Variants in PLCXD3 observed in about 807,000 individuals in gnomAD.
PLCXD3 encodes the protein PI-PLC X domain-containing protein 3.
Under a neutral mutation model 25.5 loss-of-function variants are expected in PLCXD3, and 19 were observed. That is an observed-to-expected ratio of 0.75 (90% CI 0.52 to 1.09). The LOEUF (loss-of-function observed/expected upper bound fraction) is 1.09, where lower values mean the gene tolerates loss of function less well. Ranked by LOEUF, PLCXD3 falls within the 50% of genes least tolerant of loss-of-function variation. PLCXD3 has a pLI of 0.00. For missense variants in PLCXD3, 411 were observed against 388.1 expected (o/e 1.06, Z -0.50); for synonymous variants, 174 against 137.6 (o/e 1.26, Z -1.85).
intron 2 of PLCXD3, among the ~76,000 whole-genome samples, chr5:41,361,252 C>T (rs1056262023): frequency 6.6e-6 from 1 of 152,200 alleles, no homozygotes; most frequent in Non-Finnish European, 1.5e-5. Context: ...GTCTCACTCT[C>T]ACTGTGCCCC....
At chr5:41,398,248 G>A (rs1183476610) in intron 1 of PLCXD3, among the ~76,000 whole-genome samples, 1 of 152,152 alleles carries the variant, frequency 6.6e-6, no homozygotes, top group Non-Finnish European at 1.5e-5. Context: ...TAAATCATGG[G>A]GATGGATTTC....
rs373573999 is a variant in PLCXD3, at chr5:41,334,873, A to T, written c.813-21103T>A. Among the ~76,000 whole-genome samples, 47 of 152,300 alleles carry T rather than the reference A, an allele frequency of 3.1e-4. 1 individual carries two copies. The South Asian group carries it at 9.3e-3, about 30-fold the overall frequency. On this transcript the variant is annotated intron_variant, in intron 2 of 2. Transcript: ENST00000377801. Reference sequence around the variant, plus strand: ...CTGCCAGGAGACAGAATGTGAGCACAGCCAGCCCTTGATGGGGGCCTCCTG... The same window carrying T: ...CTGCCAGGAGACAGAATGTGAGCACTGCCAGCCCTTGATGGGGGCCTCCTG...
At chr5:41,464,864 T>A (rs1747975773) in intron 1 of PLCXD3, among the ~76,000 whole-genome samples, 1 of 152,068 alleles carries the variant, frequency 6.6e-6, no homozygotes, top group South Asian at 2.1e-4. Context: ...TTGTGTTGTG[T>A]TCTTCCATTT....
chr5:41,505,802 A>G (rs993190994), intron 1 of PLCXD3, among the ~76,000 whole-genome samples: 2 of 152,214 alleles, frequency 1.3e-5, no homozygotes, highest in African/African-American at 4.8e-5. Context: ...GTACATGATG[A>G]CCTGTAATGT....
chr5:41,458,303 C>A (rs1164081392), intron 1 of PLCXD3, among the ~76,000 whole-genome samples: 1 of 151,630 alleles, frequency 6.6e-6, no homozygotes, highest in Non-Finnish European at 1.5e-5. Flanking sequence ...TACTGAACAG[C>A]CCAAGAATCT....
At chr5:41,380,933 A>T (rs890167276) in intron 2 of PLCXD3, among the ~76,000 whole-genome samples, 17 of 152,130 alleles carry the variant, frequency 1.1e-4, no homozygotes, top group African/African-American at 3.9e-4. Context: ...AACATCCTAC[A>T]TGTTTGGCTG....
At chr5:41,384,578 A>T (rs1745578373) in intron 1 of PLCXD3, among the ~76,000 whole-genome samples, 2 of 152,044 alleles carry the variant, frequency 1.3e-5, no homozygotes, top group Admixed American at 6.6e-5. Flanking sequence ...GCAGGCAAAA[A>T]GGGAATTAAG....
intron 2 of PLCXD3, among the ~76,000 whole-genome samples, chr5:41,348,256 C>T (rs1411438357): frequency 6.6e-6 from 1 of 152,022 alleles, no homozygotes; most frequent in African/African-American, 2.4e-5. Flanking sequence ...TCTAAATGGA[C>T]CCTAATGTAC....
At chr5:41,347,495 G>A (rs1269586469) in intron 2 of PLCXD3, among the ~76,000 whole-genome samples, 1 of 152,126 alleles carries the variant, frequency 6.6e-6, no homozygotes, top group Non-Finnish European at 1.5e-5. Flanking sequence ...ATTCTACATT[G>A]TAACAGTGTA....
At chr5:41,348,984 T>C (rs1032919790) in intron 2 of PLCXD3, among the ~76,000 whole-genome samples, 5 of 152,198 alleles carry the variant, frequency 3.3e-5, no homozygotes, top group Non-Finnish European at 7.3e-5. Context: ...TTTCCAGTAG[T>C]TGGATCTAAA....
At chr5:41,410,926 T>A (rs318031) in intron 1 of PLCXD3, among the ~76,000 whole-genome samples, 15,607 of 152,172 alleles carry the variant, frequency 0.1, 912 homozygotes, top group Non-Finnish European at 0.12. Context: ...TGGAGCCTCC[T>A]GGTGGTGGCA....
chr5:41,481,341 C>T (rs988683013), intron 1 of PLCXD3, among the ~76,000 whole-genome samples: 3 of 152,206 alleles, frequency 2.0e-5, no homozygotes, highest in African/African-American at 7.2e-5. Flanking sequence ...TTACTGTGAT[C>T]TCTTCCTATG....
chr5:41,392,312 C>G (rs938447097), intron 1 of PLCXD3, among the ~76,000 whole-genome samples: 3 of 152,060 alleles, frequency 2.0e-5, no homozygotes, highest in Non-Finnish European at 2.9e-5. Context: ...TCACCCCCAG[C>G]TTTAGGTGGC....
Position 41,440,660 on chromosome 5 carries a change from A to T in PLCXD3, c.104-58126T>A, listed in dbSNP as rs4957393. Among the ~76,000 whole-genome samples, 1,333 of 152,302 alleles carry T rather than the reference A, an allele frequency of 8.8e-3. 65 individuals are homozygous for T. Among genetic ancestry groups the T allele is most frequent in the Admixed American group, 0.072 (1,094 of 15,296 alleles). ...ATGTACATAGAGGAGTGTGTGGCAT[A>T]TAATAAGTACTCTATGGGTGTTAGC... On this transcript the variant is annotated intron_variant, in intron 1 of 2. Transcript: ENST00000377801.
chr5:41,332,493 G>A (rs1460111535), intron 2 of PLCXD3, among the ~76,000 whole-genome samples: 1 of 152,050 alleles, frequency 6.6e-6, no homozygotes, highest in Non-Finnish European at 1.5e-5. Context: ...TACACTGTTG[G>A]TGGGACTGTA....
chr5:41,440,612 T>C (rs1350140954), intron 1 of PLCXD3, among the ~76,000 whole-genome samples: 1 of 152,186 alleles, frequency 6.6e-6, no homozygotes, highest in Non-Finnish European at 1.5e-5. Flanking sequence ...GTTGTCTTAC[T>C]GATTCTATAA....
chr5:41,474,621 AT>A (rs1445508530), intron 1 of PLCXD3, among the ~76,000 whole-genome samples: 1 of 152,148 alleles, frequency 6.6e-6, no homozygotes, highest in Non-Finnish European at 1.5e-5. Context: ...CAAATCCCTG[AT>A]TCTCTCACTT....
chr5:41,493,246 G>A (rs528621810), intron 1 of PLCXD3, among the ~76,000 whole-genome samples: 3 of 152,314 alleles, frequency 2.0e-5, no homozygotes, highest in Non-Finnish European at 2.9e-5. Flanking sequence ...CAGAACAGCA[G>A]ATTTTCATGA....
chr5:41,309,423 T>C lies in PLCXD3; in HGVS notation c.*4194A>G, dbSNP rs565459885. 4 of 152,702 alleles carry C rather than the reference T, an allele frequency of 2.6e-5. No homozygotes were observed. In the South Asian group the frequency reaches 8.3e-4, roughly 32 times the overall value. 9.5% of individuals were successfully genotyped at this position (152,702 alleles called of 1,614,324 possible). ...ACTAAAGTGCTGTAAAATAAAATGC[T>C]CTTAAAAACCTTGTTTAGCATATCC... On this transcript the variant is annotated 3_prime_UTR_variant, in exon 3 of 3. Coordinates refer to ENST00000377801, the MANE Select transcript of PLCXD3 (RefSeq NM_001005473.3).
Sources: allele counts gnomAD v4.1 joint callset (sites outside exome capture counted in the v4.1 genomes callset), GRCh38; gene constraint gnomAD v4.1.1; transcripts MANE v1.5; gene names NCBI Gene and HGNC (gene_info 2026-07-23, HGNC 2026-07-21).